Variants in PALS1 observed in about 807,000 individuals in gnomAD.
The protein encoded by PALS1 is protein associated with LIN7 1, MAGUK p55 family member.
A neutral mutation model predicts 78.9 loss-of-function variants in PALS1; 31 were observed. The observed-to-expected ratio is 0.39, with a 90% CI of 0.30 to 0.53. The LOEUF (loss-of-function observed/expected upper bound fraction) is 0.53, where lower values mean the gene tolerates loss of function less well. Among genes scored for constraint, PALS1 ranks in the 20% least tolerant of loss-of-function variants. PALS1 has a pLI of 0.67. For synonymous variants in PALS1, 276 were observed against 270.9 expected (o/e 1.02, Z -0.18); for missense variants, 704 against 826.5 (o/e 0.85, Z 1.82).
chr14:67,285,715 C>T (rs2140751892), intron 3 of PALS1, among the ~76,000 whole-genome samples: 1 of 152,232 alleles, frequency 6.6e-6, no homozygotes, highest in Middle Eastern at 3.4e-3. Flanking sequence ...AAATCTTCCA[C>T]ATGGTTACCC....
rs891843785 is a variant in PALS1 at position 67,301,912 on chromosome 14, A to G, written c.655-60A>G. On this transcript the variant is annotated intron_variant, in intron 5 of 14. Transcript: ENST00000261681. Reference sequence around the variant, plus strand: ...AGAATACTATGTACATAGGTTAAAAATCACTCTGCAGAAATAAATCATGCT... The same window carrying G: ...AGAATACTATGTACATAGGTTAAAAGTCACTCTGCAGAAATAAATCATGCT... 21 of 1,524,170 alleles carry G rather than the reference A, an allele frequency of 1.4e-5. No homozygotes were observed. In the African/African-American group the frequency reaches 2.5e-4, roughly 18 times the overall value. The allele number at this position is 1,524,170 out of a possible 1,614,324, so 94.4% of individuals were successfully genotyped here. A position where few individuals can be genotyped will look rare whatever the true frequency, so the allele number is the denominator to read the frequency against.
At chr14:67,264,483 TG>T (rs1213173663) in intron 1 of PALS1, among the ~76,000 whole-genome samples, 2 of 152,198 alleles carry the variant, frequency 1.3e-5, no homozygotes, top group Non-Finnish European at 2.9e-5. Context: ...TGTGTTTTCT[TG>T]TAGCAGTTTT....
At chr14:67,296,636 C>A (rs2084857412) in intron 4 of PALS1, among the ~76,000 whole-genome samples, 1 of 147,654 alleles carries the variant, frequency 6.8e-6, no homozygotes, top group African/African-American at 2.5e-5. Context: ...ATCCTGAAGG[C>A]CATTAATAAA....
In PALS1 at chr14:67,248,895, A is replaced by G. The variant is rs144256802; in HGVS notation, c.-237+7362A>G. On this transcript the variant is annotated intron_variant, in intron 1 of 14. Coordinates refer to ENST00000261681, the MANE Select transcript of PALS1 (RefSeq NM_022474.4). ...GGCTGGTCTCGAACTCCATGACCCA[A>G]GTGATCCTCCCAAGTTGGCCTCCTA... 4.9e-3 allele frequency among the ~76,000 whole-genome samples: 751 copies of G among 152,056 alleles called. 7 individuals are homozygous for G. The highest frequency in any genetic ancestry group is 0.017 in the African/African-American group (709 of 41,486).
intron 12 of PALS1, among the ~76,000 whole-genome samples, chr14:67,320,785 G>T (rs1478160112): frequency 6.6e-6 from 1 of 152,114 alleles, no homozygotes; most frequent in African/African-American, 2.4e-5. Context: ...GAGTAGTAGT[G>T]TTTTAAATGC....
At chr14:67,296,329 A>G (rs2084848235) in intron 4 of PALS1, among the ~76,000 whole-genome samples, 2 of 152,040 alleles carry the variant, frequency 1.3e-5, no homozygotes, top group South Asian at 2.1e-4. Flanking sequence ...CGCCGGATGC[A>G]GTGGCTCACG....
rs112122054 is a variant in PALS1, at chr14:67,263,681, C to G, written c.-236-6020C>G. Reference sequence around the variant, plus strand: ...TTCTGACCTCGAAAAACAACTTAACCTCTCCCTACTTGTTTTTCTCATTTG... The same window carrying G: ...TTCTGACCTCGAAAAACAACTTAACGTCTCCCTACTTGTTTTTCTCATTTG... On this transcript the variant is annotated intron_variant, in intron 1 of 14. Transcript: ENST00000261681. Among the ~76,000 whole-genome samples, 1,322 of 152,266 alleles carry G rather than the reference C, an allele frequency of 8.7e-3. 20 individuals carry two copies. The highest frequency in any genetic ancestry group is 0.029 in the African/African-American group (1,199 of 41,554).
chr14:67,283,472 A>G (rs3784081), intron 3 of PALS1, among the ~76,000 whole-genome samples: 23,564 of 152,178 alleles, frequency 0.15, 3,447 homozygotes, highest in East Asian at 0.42. Context: ...CAAAATCCCA[A>G]TGCCAGTAAA....
At chr14:67,285,794 G>A (rs1253440684) in intron 3 of PALS1, among the ~76,000 whole-genome samples, 1 of 152,174 alleles carries the variant, frequency 6.6e-6, no homozygotes, top group Non-Finnish European at 1.5e-5. Context: ...TCTGTTGCCT[G>A]TTTCAGAGTC....
At chr14:67,302,355 C>A in intron 6 of PALS1, 55 bp from the exon 7 acceptor site, 2 of 1,252,426 alleles carry the variant, frequency 1.6e-6, no homozygotes, top group Non-Finnish European at 2.1e-6. Flanking sequence ...AAAATAAATG[C>A]TTAACAAAAA....
rs1244408177 is a variant in PALS1, at chr14:67,317,497, G to A, written c.1369+18G>A. 6.5e-7 allele frequency: 1 copy of A among 1,545,826 alleles called. No individual in the cohort carries two copies. The highest frequency in any genetic ancestry group is 1.1e-5 in the South Asian group (1 of 87,808). ...AAATGATGGTAAGTTCTACTCTCAG[G>A]GATAGGTGGAATTATATCTGAAAGG... On this transcript the variant is annotated intron_variant, in intron 11 of 14. Coordinates refer to ENST00000261681, the MANE Select transcript of PALS1 (RefSeq NM_022474.4).
chr14:67,245,481 A>G (rs2140407319), intron 1 of PALS1, among the ~76,000 whole-genome samples: 1 of 151,990 alleles, frequency 6.6e-6, no homozygotes, highest in South Asian at 2.1e-4. Flanking sequence ...AAATTGGATT[A>G]TTGTCTTATT....
At chr14:67,312,413 A>C in intron 8 of PALS1, 114 bp from the exon 9 acceptor site, 1 of 717,256 alleles carries the variant, frequency 1.4e-6, no homozygotes. Flanking sequence ...TGCTGTCTCT[A>C]TTAAATTTTT....
intron 14 of PALS1, among the ~76,000 whole-genome samples, chr14:67,326,761 T>C (rs965111660): frequency 6.6e-6 from 1 of 152,216 alleles, no homozygotes; most frequent in Non-Finnish European, 1.5e-5. Context: ...TTGATCAACA[T>C]GTTTTTGAGA....
At chr14:67,324,981 T>C (rs190073562) in intron 14 of PALS1, among the ~76,000 whole-genome samples, 1,655 of 145,120 alleles carry the variant, frequency 0.011, 20 homozygotes, top group Middle Eastern at 0.017. Flanking sequence ...CTCGGCTGAC[T>C]GCAAGCTCCG....
At chr14:67,261,750 C>A (rs1251395035) in intron 1 of PALS1, among the ~76,000 whole-genome samples, 1 of 148,286 alleles carries the variant, frequency 6.7e-6, no homozygotes, top group Non-Finnish European at 1.5e-5. Context: ...TGATTGCCTT[C>A]GCTGCTTGGT....
chr14:67,259,664 G>A (rs1031730999), intron 1 of PALS1, among the ~76,000 whole-genome samples: 3 of 151,578 alleles, frequency 2.0e-5, no homozygotes, highest in East Asian at 3.9e-4. Flanking sequence ...TAATCCCAGC[G>A]CCCTGAGAGG....
At chr14:67,300,173 C>T (rs1168482396) in intron 4 of PALS1, among the ~76,000 whole-genome samples, 1 of 152,074 alleles carries the variant, frequency 6.6e-6, no homozygotes, top group African/African-American at 2.4e-5. Context: ...AACCTGAGGA[C>T]AGACTGGTTT....
intron 1 of PALS1, among the ~76,000 whole-genome samples, chr14:67,243,721 C>T (rs1269822239): frequency 2.0e-5 from 3 of 151,600 alleles, no homozygotes; most frequent in South Asian, 2.1e-4. Context: ...TGATCTCAAT[C>T]TCCTGACCTC....
Sources: gnomAD v4.1 joint callset for allele counts (sites outside exome capture counted in the v4.1 genomes callset) on GRCh38, gnomAD v4.1.1 for gene constraint, MANE v1.5 for transcripts, NCBI Gene and HGNC (gene_info 2026-07-23, HGNC 2026-07-21) for gene names.